The following GSDMC variants were observed in gnomAD, a reference collection of about 807,000 sequenced individuals.
GSDMC encodes the protein gasdermin C.
A neutral mutation model predicts 58.0 loss-of-function variants in GSDMC; 59 were observed. The observed-to-expected ratio is 1.02, with a 90% CI of 0.82 to 1.26. The LOEUF is 1.26. GSDMC is among the 50% of genes most tolerant of loss of function. GSDMC has a pLI of 0.00. For missense variants in GSDMC, 659 were observed against 598.5 expected (o/e 1.10, Z -1.06); for synonymous variants, 241 against 220.2 (o/e 1.09, Z -0.83).
At chr8:129,752,234 C>T in intron 7 of GSDMC, 87 bp from the exon 8 acceptor site, 2 of 950,378 alleles carry the variant, frequency 2.1e-6, no homozygotes, top group Non-Finnish European at 3.4e-6. Context: ...TTGGTCTCAC[C>T]TCTAACTCCT....
At chr8:129,729,157 T>TA in the GSDMC span, 1 of 667,612 alleles carries the variant, frequency 1.5e-6, no homozygotes, top group Non-Finnish European at 2.9e-6. Context: ...CAATGTTGTT[T>TA]ACTTCAGAGA....
chr8:129,751,904 A>T lies in GSDMC; in HGVS notation c.887-13T>A. ...ACTTGTTCGTATTCTAAAAAAAGAA[A>T]TGAAATTCCTCACCAAAGAGGCTCA... is the stretch of plus-strand genomic sequence containing the variant. On this transcript the variant is annotated splice_polypyrimidine_tract_variant and intron_variant, in intron 8 of 13. Coordinates refer to ENST00000276708, the MANE Select transcript of GSDMC (RefSeq NM_031415.3). The T allele has an allele frequency of 6.2e-7, 1 of 1,612,856 alleles. No individual in the cohort carries two copies. The highest frequency in any genetic ancestry group is 8.5e-7 in the Non-Finnish European group (1 of 1,178,852).
chr8:129,771,048 T>C (rs1408852178), intron 3 of GSDMC, among the ~76,000 whole-genome samples: 4 of 149,918 alleles, frequency 2.7e-5, no homozygotes, highest in South Asian at 2.1e-4. Flanking sequence ...TATATTTATA[T>C]ATATACATAT....
chr8:129,748,774 C>T (rs1472801266), intron 13 of GSDMC, 34 bp from the exon 14 acceptor site: 10 of 1,472,664 alleles, frequency 6.8e-6, no homozygotes, highest in Non-Finnish European at 9.0e-6. Flanking sequence ...TACAGACCAG[C>T]CTTTAAGATG....
chr8:129,748,038 A>G (rs563310050), downstream of GSDMC, among the ~76,000 whole-genome samples: 4 of 152,254 alleles, frequency 2.6e-5, no homozygotes, highest in African/African-American at 9.6e-5. Context: ...TCTCTTCTAT[A>G]TCCTTCACCC....
At chr8:129,775,505 C>T (rs111239139) in intron 3 of GSDMC, among the ~76,000 whole-genome samples, 2,901 of 152,034 alleles carry the variant, frequency 0.019, 100 homozygotes, top group African/African-American at 0.066. Context: ...AGATATTAAA[C>T]GTTCTCACCA....
chr8:129,715,587 CA>C, the GSDMC span, among the ~76,000 whole-genome samples: 1 of 152,028 alleles, frequency 6.6e-6, no homozygotes, highest in African/African-American at 2.4e-5. Flanking sequence ...GTTTCAAAAT[CA>C]AACTAAAATA....
intron 2 of GSDMC, among the ~76,000 whole-genome samples, chr8:129,776,736 T>C (rs2034239946): frequency 8.8e-6 from 1 of 113,514 alleles, no homozygotes; most frequent in Admixed American, 8.9e-5. Context: ...GTTTGGTTTT[T>C]GCTGTTGTTG....
At chr8:129,770,732 A>G (rs1194430853) in intron 3 of GSDMC, among the ~76,000 whole-genome samples, 1 of 152,120 alleles carries the variant, frequency 6.6e-6, no homozygotes, top group Non-Finnish European at 1.5e-5. Context: ...GGAAAGAAAA[A>G]AACTATAAAA....
the GSDMC span, among the ~76,000 whole-genome samples, chr8:129,718,244 C>T: frequency 2.6e-5 from 4 of 151,874 alleles, 1 homozygote; most frequent in South Asian, 2.1e-4. Flanking sequence ...GGCAACCTAC[C>T]AAATGGGAGA....
At position 129,765,751 on chromosome 8, in the gene GSDMC, C is replaced by T. The variant is rs1392606667; in HGVS notation, c.447G>A (p.Arg149=). ...CCACGTACAGGTTGTCCCCTCTCCT[C>T]CGGCACTCCTTCAGAAATGATGGCT... ...DPEPSFLKEC[R]RRGDNLYVVT... Residue 149 remains arginine (R), a synonymous_variant, in exon 4 of 14, where the codon CGG becomes CGA. Coordinates refer to ENST00000276708, the MANE Select transcript of GSDMC (RefSeq NM_031415.3). 1.2e-6 allele frequency: 2 copies of T among 1,613,758 alleles called. No homozygotes were observed. Among genetic ancestry groups the T allele is most frequent in the Non-Finnish European group, 1.7e-6 (2 of 1,179,770 alleles).
At chr8:129,713,052 TC>T in the GSDMC span, among the ~76,000 whole-genome samples, 1 of 152,226 alleles carries the variant, frequency 6.6e-6, no homozygotes, top group Non-Finnish European at 1.5e-5. Flanking sequence ...AACTCTGCAA[TC>T]CCTCGAATGC....
rs541164990 is a variant in GSDMC, at chr8:129,765,548, C to T, written c.570+80G>A. Reference sequence around the variant, plus strand: ...TAATCCCTGGAAATAGAGTCCAGAGCCCCCTAGGAAATGAAGCTTGGCTGC... The same window carrying T: ...TAATCCCTGGAAATAGAGTCCAGAGTCCCCTAGGAAATGAAGCTTGGCTGC... On this transcript the variant is annotated intron_variant, in intron 4 of 13. Transcript: ENST00000276708. The T allele has an allele frequency of 1.6e-5, 15 of 960,874 alleles. No individual in the cohort carries two copies. The African/African-American group carries it at 1.8e-4, about 11-fold the overall frequency. The allele number at this position is 960,874 out of a possible 1,614,324, so 59.5% of individuals were successfully genotyped here.
At chr8:129,767,841 C>G (rs761556937) in intron 3 of GSDMC, among the ~76,000 whole-genome samples, 3 of 151,874 alleles carry the variant, frequency 2.0e-5, no homozygotes, top group Admixed American at 1.3e-4. Context: ...GGCCCCTACC[C>G]AACCAGGGAA....
chr8:129,725,474 T>A, the GSDMC span, among the ~76,000 whole-genome samples: 3 of 152,134 alleles, frequency 2.0e-5, no homozygotes, highest in East Asian at 1.9e-4. Flanking sequence ...ATCACCCCCC[T>A]CCAGAGCCAG....
the GSDMC span, among the ~76,000 whole-genome samples, chr8:129,732,819 G>A: frequency 1.3e-5 from 2 of 152,204 alleles, no homozygotes; most frequent in Non-Finnish European, 2.9e-5. Context: ...TGGACAGTGG[G>A]TGCAGCCCAC....
At chr8:129,743,116 G>A in the GSDMC span, among the ~76,000 whole-genome samples, 29 of 152,202 alleles carry the variant, frequency 1.9e-4, no homozygotes, top group South Asian at 1.7e-3. Flanking sequence ...CCTGTTCAGA[G>A]TTCACCAAGC....
the GSDMC span, among the ~76,000 whole-genome samples, chr8:129,731,033 T>C: frequency 6.6e-6 from 1 of 152,154 alleles, no homozygotes; most frequent in Non-Finnish European, 1.5e-5. Context: ...ACTTTAAACA[T>C]AAAGTGGTAG....
chr8:129,778,727 T>C (rs1251896073), intron 1 of GSDMC, among the ~76,000 whole-genome samples: 1 of 150,366 alleles, frequency 6.7e-6, no homozygotes, highest in African/African-American at 2.5e-5. Flanking sequence ...AAAGGTCTAA[T>C]ATCCAGCATC....
Sources: gnomAD v4.1 joint callset for allele counts (sites outside exome capture counted in the v4.1 genomes callset) on GRCh38, gnomAD v4.1.1 for gene constraint, MANE v1.5 for transcripts, NCBI Gene and HGNC (gene_info 2026-07-23, HGNC 2026-07-21) for gene names.